The following SEMA7A variants were observed in gnomAD, a reference collection of about 807,000 sequenced individuals.
SEMA7A encodes the protein semaphorin 7A (JohnMiltonHagen blood group), also known as semaphorin-7A.
Under a neutral mutation model 67.5 loss-of-function variants are expected in SEMA7A, and 21 were observed. That is an observed-to-expected ratio of 0.31 (90% CI 0.22 to 0.45). The LOEUF is 0.45. Among genes scored for constraint, SEMA7A ranks in the 20% least tolerant of loss-of-function variants. The pLI is 1.00. For synonymous variants in SEMA7A, 364 were observed against 368.5 expected, an observed-to-expected ratio of 0.99 and a Z score of 0.14; for missense variants, 774 against 908.6, an observed-to-expected ratio of 0.85 and a Z score of 1.90.
At chr15:74,416,281 C>T (rs1346231255) in intron 7 of SEMA7A, among the ~76,000 whole-genome samples, 2 of 152,076 alleles carry the variant, frequency 1.3e-5, no homozygotes, top group African/African-American at 2.4e-5. Flanking sequence ...CTGACTCACA[C>T]ACCCACACAC....
At position 74,432,431 on chromosome 15, in the gene SEMA7A, T is replaced by A. The variant is rs536951294; in HGVS notation, c.178+1310A>T. On this transcript the variant is annotated intron_variant, in intron 1 of 13. Transcript: ENST00000261918. The stretch of plus-strand genomic sequence containing the variant: ...GGTCCCCAGAGCACCTCATTCATGG[T>A]CCCTGAACCACCTAAATCCTTCTCC... 3.3e-5 allele frequency among the ~76,000 whole-genome samples: 5 copies of A among 152,170 alleles called. No homozygotes were observed. In the East Asian group the frequency reaches 9.7e-4, roughly 29 times the overall value.
rs190889068 is a variant in SEMA7A, at chr15:74,410,321, C to T, written c.*303G>A. On this transcript the variant is annotated 3_prime_UTR_variant, in exon 14 of 14. Transcript: ENST00000261918. The surrounding 1 kb of genome is among the most constrained non-coding windows in gnomAD (Gnocchi z 7.5). ...CCATGGGCTCTTGGGCTGGGAGCAT[C>T]GCTGCATTTAGTCAAGTTTGAGGAG... 1.1e-3 allele frequency: 396 copies of T among 374,600 alleles called. 3 individuals are homozygous for T. The South Asian group carries it at 0.027, about 25-fold the overall frequency. The allele number at this position is 374,600 out of a possible 1,614,324, so 23.2% of individuals were successfully genotyped here. A position where few individuals can be genotyped will look rare whatever the true frequency, so the allele number is the denominator to read the frequency against.
At chr15:74,429,099 G>A (rs2061065851) in intron 1 of SEMA7A, among the ~76,000 whole-genome samples, 1 of 152,160 alleles carries the variant, frequency 6.6e-6, no homozygotes, top group Admixed American at 6.5e-5. Context: ...CAACCATGGC[G>A]AAGGAAGGCT....
At chr15:74,430,618 G>A (rs1410720512) in intron 1 of SEMA7A, among the ~76,000 whole-genome samples, 1 of 152,216 alleles carries the variant, frequency 6.6e-6, no homozygotes, top group South Asian at 2.1e-4. Flanking sequence ...GGGTCACAGA[G>A]CTTGGTAGGA....
intron 10 of SEMA7A, among the ~76,000 whole-genome samples, chr15:74,412,812 TG>T (rs1469186171): frequency 6.6e-6 from 1 of 152,246 alleles, no homozygotes; most frequent in East Asian, 1.9e-4. Context: ...ACGTTGCATT[TG>T]ATCTTAGGGG....
Position 74,418,309 on chromosome 15 carries a change from C to G in SEMA7A, c.331G>C (p.Val111Leu). The G allele has an allele frequency of 6.2e-7, 1 of 1,611,780 alleles. No individual in the cohort carries two copies. The highest frequency in any genetic ancestry group is 8.5e-7 in the Non-Finnish European group (1 of 1,179,348). Residue 111 changes from valine to leucine, a missense_variant and splice_region_variant, in exon 3 of 14, where the codon GTG becomes CTG. This residue lies in a region of SEMA7A where 347 missense variants were observed against 353.2 expected (regional missense o/e 0.98). Coordinates refer to ENST00000261918, the MANE Select transcript of SEMA7A (RefSeq NM_003612.5). ...PEGKNASVRT[V>L]NIGSTKGSCL... is the part of the protein sequence containing the mutation. ...GACCCCTTTGTGGAGCCGATATTCA[C>G]CTGGGGGAAGGGGAGAAGCATTAGT...
At chr15:74,431,376 G>C (rs1021036933) in intron 1 of SEMA7A, among the ~76,000 whole-genome samples, 3 of 152,218 alleles carry the variant, frequency 2.0e-5, no homozygotes, top group African/African-American at 4.8e-5. Context: ...CAATCTCCCT[G>C]ATCAGTGCAG....
Position 74,416,850 on chromosome 15 carries a change from T to C in SEMA7A, c.662-136A>G, listed in dbSNP as rs2060953235. Reference sequence around the variant, plus strand: ...CAGATCTGGAATAGGACTCAGAACATCAGGTCCAACTCCCCGAGGGGCCCT... The same window carrying C: ...CAGATCTGGAATAGGACTCAGAACACCAGGTCCAACTCCCCGAGGGGCCCT... On this transcript the variant is annotated intron_variant, in intron 6 of 13. Transcript: ENST00000261918. 2.1e-5 allele frequency: 21 copies of C among 977,954 alleles called. 1 individual carries two copies. In the South Asian group the frequency reaches 3.2e-4, roughly 15 times the overall value. The allele number at this position is 977,954 out of a possible 1,614,324, so 60.6% of individuals were successfully genotyped here.
In SEMA7A at chr15:74,417,324, G is replaced by A. The variant is rs763806001; in HGVS notation, c.661+11C>T. On this transcript the variant is annotated intron_variant, in intron 6 of 13. Transcript: ENST00000261918. The stretch of plus-strand genomic sequence containing the variant: ...CTTGCCCACCCTCAGCCCAGCCGGA[G>A]CCTGACTCACTCTGCATGACAGTAT... The A allele has an allele frequency of 1.9e-6, 3 of 1,608,626 alleles. No homozygotes were observed. The highest frequency in any genetic ancestry group is 3.3e-5 in the Admixed American group (2 of 60,010).
chr15:74,424,608 A>G (rs1404255149), intron 1 of SEMA7A, among the ~76,000 whole-genome samples: 1 of 152,178 alleles, frequency 6.6e-6, no homozygotes, highest in Non-Finnish European at 1.5e-5. Flanking sequence ...GGACCAGAAG[A>G]AGGTTTGGCT....
intron 6 of SEMA7A, among the ~76,000 whole-genome samples, chr15:74,416,935 C>T (rs972165704): frequency 6.6e-6 from 1 of 152,206 alleles, no homozygotes; most frequent in Non-Finnish European, 1.5e-5. Context: ...TGTCATCGGC[C>T]CAGGAGCAAT....
chr15:74,419,817 T>C (rs1235029799), intron 1 of SEMA7A, among the ~76,000 whole-genome samples: 1 of 152,182 alleles, frequency 6.6e-6, no homozygotes, highest in African/African-American at 2.4e-5. Flanking sequence ...AGCCTGGGAC[T>C]TTCAGCAGAA....
At chr15:74,420,149 G>A (rs898689714) in intron 1 of SEMA7A, among the ~76,000 whole-genome samples, 1 of 152,170 alleles carries the variant, frequency 6.6e-6, no homozygotes, top group Non-Finnish European at 1.5e-5. Flanking sequence ...CTCTGCCCCC[G>A]ATCCCTCTTA....
chr15:74,414,755 G>A lies in SEMA7A; in HGVS notation c.1096-10C>T, dbSNP rs766397797. The A allele has an allele frequency of 1.9e-6, 3 of 1,614,122 alleles. No homozygotes were observed. The highest frequency in any genetic ancestry group is 1.1e-5 in the South Asian group (1 of 91,072). On this transcript the variant is annotated splice_polypyrimidine_tract_variant and intron_variant, in intron 9 of 13. Transcript: ENST00000261918. The surrounding 1 kb of genome is among the most constrained non-coding windows in gnomAD (Gnocchi z 4.1). ...GCTGGTCTGGGAGGCACTGGGCAAG[G>A]AGAGCAGGCCCAGGTCAGTGGGGTG...
intron 7 of SEMA7A, among the ~76,000 whole-genome samples, 193 bp from the exon 8 acceptor site, chr15:74,416,178 G>T (rs1174335158): frequency 6.6e-6 from 1 of 152,096 alleles, no homozygotes; most frequent in East Asian, 1.9e-4. Context: ...AGCAGGCCTG[G>T]CTGATCCAGA....
chr15:74,412,763 AATG>A (rs1462795576), intron 10 of SEMA7A, among the ~76,000 whole-genome samples: 1 of 151,570 alleles, frequency 6.6e-6, no homozygotes, highest in Non-Finnish European at 1.5e-5. Flanking sequence ...TTTTTCCACA[AATG>A]TCCTTCTTCT....
At chr15:74,421,829 G>A (rs940526876) in intron 1 of SEMA7A, among the ~76,000 whole-genome samples, 2 of 152,204 alleles carry the variant, frequency 1.3e-5, no homozygotes, top group Non-Finnish European at 2.9e-5. Flanking sequence ...GCCAGGCCTC[G>A]AGTCTCTGCC....
At position 74,416,609 on chromosome 15, in the gene SEMA7A, G is replaced by T; in HGVS notation, c.767C>A (p.Pro256His). The T allele has an allele frequency of 6.2e-7, 1 of 1,614,116 alleles. No individual in the cohort carries two copies. Among genetic ancestry groups the T allele is most frequent in the Non-Finnish European group, 8.5e-7 (1 of 1,179,986 alleles). ...CTGGGCCACACGGGACACATTGAGA[G>T]GAGCCTCAGGATTCTTGTCAGGATT... ...EDNPDKNPEA[P>H]LNVSRVAQLC... Residue 256 changes from proline (P) to histidine (H), a missense_variant, in exon 7 of 14, where the codon CCT (proline) becomes CAT (histidine). Around this residue, in one of 2 missense-constraint regions of SEMA7A, gnomAD observed 427 missense variants for 555.4 expected, o/e 0.77. Transcript: ENST00000261918.
At chr15:74,412,059 G>A (rs1269066238) in intron 10 of SEMA7A, 47 bp from the exon 11 acceptor site, 2 of 1,610,286 alleles carry the variant, frequency 1.2e-6, no homozygotes, top group Non-Finnish European at 1.7e-6. Flanking sequence ...CCCACTGAGG[G>A]GCCAGGCAGC....
Sources: allele counts gnomAD v4.1 joint callset (sites outside exome capture counted in the v4.1 genomes callset), GRCh38; gene constraint gnomAD v4.1.1; regional missense constraint gnomAD v4.1.1; non-coding constraint Gnocchi (gnomAD v3.1); transcripts MANE v1.5; gene names NCBI Gene and HGNC (gene_info 2026-07-23, HGNC 2026-07-21).